Variants in CUX1 observed in about 807,000 individuals in gnomAD.
CUX1 encodes protein CASP.
Under a neutral mutation model 158.8 loss-of-function variants are expected in CUX1, and 31 were observed. The ratio of observed to expected loss-of-function variants is 0.20; its 90% CI spans 0.15 to 0.26. CUX1 has a LOEUF of 0.26. Among genes scored for constraint, CUX1 ranks in the 10% least tolerant of loss-of-function variants. The probability of loss-of-function intolerance (pLI) is 1.00; values close to 1 mark genes in which losing one functional copy is unlikely to be tolerated. For synonymous variants in CUX1, 879 were observed against 862.1 expected (o/e 1.02, Z -0.34); for missense variants, 1,589 against 2,014.6 (o/e 0.79, Z 4.04).
intron 9 of CUX1, among the ~76,000 whole-genome samples, chr7:102,167,893 C>T (rs1456163367): frequency 6.6e-6 from 1 of 151,964 alleles, no homozygotes; most frequent in African/African-American, 2.4e-5. Flanking sequence ...GCCTGGCCAG[C>T]GTGGCAAAAC....
intron 2 of CUX1, among the ~76,000 whole-genome samples, chr7:101,936,400 C>T (rs1007493662): frequency 2.6e-5 from 4 of 151,944 alleles, no homozygotes; most frequent in African/African-American, 9.7e-5. Context: ...ATTTCCAGAG[C>T]GAGATGAAGG....
intron 11 of CUX1, among the ~76,000 whole-genome samples, chr7:102,189,371 G>A (rs1794020412): frequency 1.4e-5 from 2 of 140,008 alleles, no homozygotes; most frequent in South Asian, 2.3e-4. Context: ...GGTGCGGGGG[G>A]GGATGCTTTT....
At chr7:101,974,063 C>G (rs1164208131) in intron 2 of CUX1, among the ~76,000 whole-genome samples, 1 of 151,374 alleles carries the variant, frequency 6.6e-6, no homozygotes, top group Non-Finnish European at 1.5e-5. Flanking sequence ...CCACTGCGCC[C>G]GGCCCAGATT....
rs2132030349 is a variant in CUX1 at position 102,201,265 on chromosome 7, C to T, written c.2063-95C>T. The T allele has an allele frequency of 1.3e-6, 2 of 1,516,254 alleles. No individual in the cohort carries two copies. Among genetic ancestry groups the T allele is most frequent in the South Asian group, 1.3e-5 (1 of 79,776 alleles). The allele number at this position is 1,516,254 out of a possible 1,614,324, so 93.9% of individuals were successfully genotyped here. ...TACACAGTGTGGTTCTCCCAAATAA[C>T]CCACACTTTGCAGTAGGTCAAGTTA... On this transcript the variant is annotated intron_variant, in intron 17 of 23. Coordinates refer to ENST00000292535, the MANE Select transcript of CUX1 (RefSeq NM_181552.4). The surrounding 1 kb of genome is among the most constrained non-coding windows in gnomAD (Gnocchi z 5.0).
chr7:102,254,932 C>T lies in CUX1; in HGVS notation c.*5890C>T. 3 of 985,352 alleles carry T rather than the reference C, an allele frequency of 3.0e-6. No homozygotes were observed. Among genetic ancestry groups the T allele is most frequent in the African/African-American group, 1.7e-5 (1 of 57,298 alleles). The allele number at this position is 985,352 out of a possible 1,614,324, so 61.0% of individuals were successfully genotyped here. A position where few individuals can be genotyped will look rare whatever the true frequency, so the allele number is the denominator to read the frequency against. On this transcript the variant is annotated 3_prime_UTR_variant, in exon 24 of 24. Transcript: ENST00000292535. ...ACCAGGGAAAAGGGGAAGCAGGTAC[C>T]CAATAAAGTTTAGAAAGATCCAGTC...
chr7:102,200,096 C>A lies in CUX1; in HGVS notation c.1986C>A (p.Ala662=), dbSNP rs782499401. Residue 662 remains alanine, a synonymous_variant, in exon 17 of 24, where the codon GCC becomes GCA. Transcript: ENST00000292535. ...SEGNITTRIR[A]SETGSDEAIK... is the part of the protein sequence containing the mutation. The stretch of plus-strand genomic sequence containing the variant: ...GTAACATCACCACCCGGATCCGAGC[C>A]TCGGAGACTGGCTCTGATGAAGCCA... The A allele has an allele frequency of 1.2e-6, 2 of 1,613,158 alleles. No homozygotes were observed. The highest frequency in any genetic ancestry group is 2.7e-5 in the African/African-American group (2 of 74,878).
At chr7:101,882,966 A>T (rs939593438) in intron 1 of CUX1, among the ~76,000 whole-genome samples, 4 of 152,022 alleles carry the variant, frequency 2.6e-5, no homozygotes, top group Non-Finnish European at 5.9e-5. Flanking sequence ...TGCGTGTTCC[A>T]GAGAGCTGCA....
intron 20 of CUX1, among the ~76,000 whole-genome samples, chr7:102,216,619 C>CA (rs1797157024): frequency 2.7e-5 from 2 of 73,984 alleles, no homozygotes; most frequent in South Asian, 1.1e-3. Context: ...CACACACTCC[C>CA]CACACACACA....
chr7:101,834,264 C>T (rs886694573), intron 1 of CUX1, among the ~76,000 whole-genome samples: 1 of 149,628 alleles, frequency 6.7e-6, no homozygotes, highest in African/African-American at 2.5e-5. Flanking sequence ...ACCTCCGCCT[C>T]CTGGGTTCAA....
chr7:102,275,337 C>G (rs782651834), exon 17 of CUX1: 9 of 1,612,782 alleles, frequency 5.6e-6, no homozygotes, highest in Non-Finnish European at 7.6e-6. Context: ...CGCTTCCGTG[C>G]CCGGAACCAG....
chr7:102,124,384 C>A (rs1308535755), intron 8 of CUX1, among the ~76,000 whole-genome samples: 1 of 152,252 alleles, frequency 6.6e-6, no homozygotes, highest in Non-Finnish European at 1.5e-5. Flanking sequence ...CCTGCACTCA[C>A]ACGTTTATCA....
chr7:102,170,292 A>G (rs556623160), intron 9 of CUX1, among the ~76,000 whole-genome samples, 154 bp from the exon 10 acceptor site: 174 of 152,282 alleles, frequency 1.1e-3, no homozygotes, highest in African/African-American at 3.9e-3. Flanking sequence ...AAAATCCATC[A>G]CATTCTGTGT....
chr7:102,209,286 G>C (rs1410801501), intron 20 of CUX1, among the ~76,000 whole-genome samples: 1 of 152,108 alleles, frequency 6.6e-6, no homozygotes, highest in African/African-American at 2.4e-5. Flanking sequence ...TTTTCCTCTT[G>C]GTGGATACAA....
intron 2 of CUX1, among the ~76,000 whole-genome samples, chr7:101,953,704 C>T (rs889314443): frequency 2.0e-5 from 3 of 152,296 alleles, no homozygotes; most frequent in Non-Finnish European, 4.4e-5. Flanking sequence ...ATCAGCAGAG[C>T]CTCAGGCCCG....
At chr7:101,889,751 G>A (rs1448757272) in intron 1 of CUX1, among the ~76,000 whole-genome samples, 1 of 152,152 alleles carries the variant, frequency 6.6e-6, no homozygotes, top group Non-Finnish European at 1.5e-5. Context: ...CAGCCTGGGC[G>A]ACAGAGCAAG....
At chr7:101,969,065 C>T (rs543324832) in intron 2 of CUX1, among the ~76,000 whole-genome samples, 41 of 151,868 alleles carry the variant, frequency 2.7e-4, no homozygotes, top group Admixed American at 2.3e-3. Flanking sequence ...CAGTGGCTCA[C>T]ACTTGTAACC....
At chr7:102,095,999 G>A (rs1439515867) in intron 4 of CUX1, among the ~76,000 whole-genome samples, 5 of 152,252 alleles carry the variant, frequency 3.3e-5, no homozygotes, top group South Asian at 2.1e-4. Context: ...CAGTAAAGGC[G>A]AGAGCCGTGA....
rs189249210 is a variant in CUX1, at chr7:102,149,900, G to A, written c.675-8660G>A. On this transcript the variant is annotated intron_variant, in intron 8 of 23. Coordinates refer to ENST00000292535, the MANE Select transcript of CUX1 (RefSeq NM_181552.4). ...GGTCCAGCGAGCCCCACCTCTGTCC[G>A]TTTCCTCTACCCCCTGTGCTAAGGA... is the stretch of plus-strand genomic sequence containing the variant. Among the ~76,000 whole-genome samples, 174 of 152,224 alleles carry A rather than the reference G, an allele frequency of 1.1e-3. 2 individuals carry two copies. Among genetic ancestry groups the A allele is most frequent in the African/African-American group, 3.9e-3 (161 of 41,544 alleles).
chr7:102,142,356 A>C (rs1186303908), intron 8 of CUX1, among the ~76,000 whole-genome samples: 1 of 152,148 alleles, frequency 6.6e-6, no homozygotes, highest in African/African-American at 2.4e-5. Context: ...CAGTACTCCC[A>C]CCTGTAGGAA....
Sources: allele counts gnomAD v4.1 joint callset (sites outside exome capture counted in the v4.1 genomes callset), GRCh38; gene constraint gnomAD v4.1.1; non-coding constraint Gnocchi (gnomAD v3.1); transcripts MANE v1.5; gene names NCBI Gene and HGNC (gene_info 2026-07-23, HGNC 2026-07-21).